The following RASSF8 variants were observed in gnomAD, a reference collection of about 807,000 sequenced individuals.
RASSF8 encodes the protein Ras association domain family member 8.
Under a neutral mutation model 48.5 loss-of-function variants are expected in RASSF8, and 22 were observed. The observed-to-expected ratio is 0.45, with a 90% CI of 0.32 to 0.65. The LOEUF (loss-of-function observed/expected upper bound fraction) is 0.65. Ranked by LOEUF, RASSF8 falls within the 30% of genes least tolerant of loss-of-function variation. The pLI is 0.03. For missense variants in RASSF8, 418 were observed against 489.2 expected, an observed-to-expected ratio of 0.85 and a Z score of 1.37; for synonymous variants, 127 against 171.5, an observed-to-expected ratio of 0.74 and a Z score of 2.03.
Position 26,068,909 on chromosome 12 carries a change from A to G in RASSF8, c.*91A>G, listed in dbSNP as rs1231215953. 2 of 1,497,138 alleles carry G rather than the reference A, an allele frequency of 1.3e-6. No homozygotes were observed. Among genetic ancestry groups the G allele is most frequent in the East Asian group, 2.5e-5 (1 of 40,078 alleles). The allele number at this position is 1,497,138 out of a possible 1,614,324, so 92.7% of individuals were successfully genotyped here. ...TGTGCCAATGATGAACAGAGGATCT[A>G]TTCCACAAGACGCTGTATGTTTTTT... On this transcript the variant is annotated 3_prime_UTR_variant, in exon 6 of 6. Coordinates refer to ENST00000689635, the MANE Select transcript of RASSF8 (RefSeq NM_001394098.1).
At chr12:25,961,468 A>G (rs543659497) in intron 1 of RASSF8, among the ~76,000 whole-genome samples, 1 of 152,308 alleles carries the variant, frequency 6.6e-6, no homozygotes, top group Non-Finnish European at 1.5e-5. Flanking sequence ...CTAACCCTAA[A>G]TAGACTTAAA....
intron 2 of RASSF8, among the ~76,000 whole-genome samples, chr12:26,034,010 A>C (rs1291714822): frequency 6.6e-6 from 1 of 152,038 alleles, no homozygotes; most frequent in East Asian, 1.9e-4. Flanking sequence ...CACCACCATC[A>C]TGTCGACCAG....
At chr12:26,022,283 C>T (rs148522834) in intron 2 of RASSF8, among the ~76,000 whole-genome samples, 11 of 152,258 alleles carry the variant, frequency 7.2e-5, no homozygotes, top group East Asian at 1.9e-4. Context: ...GCTGACCCTC[C>T]GAGGAGTAGC....
At position 26,013,822 on chromosome 12, in the gene RASSF8, A is replaced by G. The variant is rs184505815; in HGVS notation, c.-109+18692A>G. 1.6e-3 allele frequency among the ~76,000 whole-genome samples: 244 copies of G among 152,334 alleles called. 1 individual carries two copies. Among genetic ancestry groups the G allele is most frequent in the African/African-American group, 5.5e-3 (230 of 41,562 alleles). ...TTTCCTTTAATGTGGCTATTGTTGA[A>G]TAGGTCTAAATTAAGACTCTGAAAT... On this transcript the variant is annotated intron_variant, in intron 2 of 5. Transcript: ENST00000689635.
At chr12:26,060,765 C>G (rs1943725254) in intron 3 of RASSF8, among the ~76,000 whole-genome samples, 2 of 152,128 alleles carry the variant, frequency 1.3e-5, no homozygotes, top group African/African-American at 4.8e-5. Context: ...AGCAAAATAT[C>G]TACTATCAGA....
chr12:25,981,391 G>T (rs1941740098), intron 1 of RASSF8, among the ~76,000 whole-genome samples: 1 of 152,068 alleles, frequency 6.6e-6, no homozygotes, highest in Non-Finnish European at 1.5e-5. Context: ...CAAAACTAAG[G>T]GCCATGATCC....
intron 3 of RASSF8, 36 bp downstream of exon 3, chr12:26,055,482 T>A: frequency 2.0e-6 from 3 of 1,481,674 alleles, no homozygotes; most frequent in Non-Finnish European, 2.8e-6. Flanking sequence ...GAAAAGTACA[T>A]TGTGCTTTCT....
At chr12:26,053,067 A>G (rs981945403) in intron 2 of RASSF8, 6 of 152,198 alleles carry the variant, frequency 3.9e-5, no homozygotes, top group African/African-American at 1.4e-4. Context: ...AGTTTCAGTT[A>G]CACAATTATG....
At chr12:25,979,590 A>T (rs1235388622) in intron 1 of RASSF8, among the ~76,000 whole-genome samples, 1 of 152,212 alleles carries the variant, frequency 6.6e-6, no homozygotes, top group Non-Finnish European at 1.5e-5. Flanking sequence ...CAATAACCCC[A>T]TGAAAGTCTG....
chr12:25,980,414 G>A (rs766976746), intron 1 of RASSF8, among the ~76,000 whole-genome samples: 1 of 152,164 alleles, frequency 6.6e-6, no homozygotes, highest in Non-Finnish European at 1.5e-5. Flanking sequence ...TTTTCTGCAT[G>A]GGGTAGGAAA....
At chr12:25,976,528 T>G (rs1212504924) in intron 1 of RASSF8, among the ~76,000 whole-genome samples, 1 of 152,202 alleles carries the variant, frequency 6.6e-6, no homozygotes, top group Non-Finnish European at 1.5e-5. Context: ...TCAGACTGAT[T>G]GTGGGCTACC....
intron 2 of RASSF8, among the ~76,000 whole-genome samples, chr12:25,998,862 A>G (rs1371338244): frequency 6.6e-6 from 1 of 152,200 alleles, no homozygotes; most frequent in African/African-American, 2.4e-5. Flanking sequence ...TAATAAAAAA[A>G]CAAAATCAGA....
chr12:26,055,407 A>C lies in RASSF8; in HGVS notation c.64A>C (p.Thr22Pro). 1.2e-6 allele frequency: 2 copies of C among 1,614,156 alleles called. No individual in the cohort carries two copies. Among genetic ancestry groups the C allele is most frequent in the African/African-American group, 2.7e-5 (2 of 75,050 alleles). ...TGTTTGTGGAGTCACTGAAGTCACA[A>C]CTTGCCAGGAGGTTGTCATAGCCTT... ...RIVCGVTEVTTCQEVVIALAQ... is the reference protein window; with the variant it reads ...RIVCGVTEVTPCQEVVIALAQ... The change falls in exon 3 of 6, where the codon ACT (threonine) becomes CCT (proline). Residue 22 changes from threonine (T) to proline (P), a missense_variant. Coordinates refer to ENST00000689635, the MANE Select transcript of RASSF8 (RefSeq NM_001394098.1).
At chr12:25,975,540 T>A (rs141188282) in intron 1 of RASSF8, among the ~76,000 whole-genome samples, 1 of 152,206 alleles carries the variant, frequency 6.6e-6, no homozygotes, top group African/African-American at 2.4e-5. Context: ...TGTATTGAGA[T>A]TGCTGTGTTT....
chr12:26,012,395 C>T (rs1197737192), intron 2 of RASSF8, among the ~76,000 whole-genome samples: 4 of 152,248 alleles, frequency 2.6e-5, no homozygotes, highest in East Asian at 3.9e-4. Context: ...AGCAGTGTAA[C>T]TGGCAATGAA....
At chr12:26,054,972 G>T (rs972744412) in intron 2 of RASSF8, among the ~76,000 whole-genome samples, 1 of 151,834 alleles carries the variant, frequency 6.6e-6, no homozygotes, top group Non-Finnish European at 1.5e-5. Flanking sequence ...ATATTGAATA[G>T]GGCTTGGCAA....
chr12:25,982,119 A>G (rs1266996225), intron 1 of RASSF8, among the ~76,000 whole-genome samples: 5 of 152,234 alleles, frequency 3.3e-5, no homozygotes, highest in African/African-American at 4.8e-5. Context: ...ATGCTGAATG[A>G]TACAGTGTTC....
chr12:26,073,747 A>G (rs867688042), downstream of RASSF8, among the ~76,000 whole-genome samples: 1 of 52,196 alleles, frequency 1.9e-5, no homozygotes, highest in Non-Finnish European at 3.7e-5. Flanking sequence ...CTCTCTCTCT[A>G]TACACACACA....
intron 2 of RASSF8, among the ~76,000 whole-genome samples, chr12:26,041,509 A>G (rs1264799374): frequency 5.3e-5 from 8 of 152,162 alleles, no homozygotes; most frequent in Non-Finnish European, 1.5e-5. Context: ...ATGAGTATGT[A>G]CTATGTTCAC....
Sources: gnomAD v4.1 joint callset for allele counts (sites outside exome capture counted in the v4.1 genomes callset) on GRCh38, gnomAD v4.1.1 for gene constraint, MANE v1.5 for transcripts, NCBI Gene and HGNC (gene_info 2026-07-23, HGNC 2026-07-21) for gene names.